Variants in LRRFIP1 observed in about 807,000 individuals in gnomAD.
LRRFIP1 encodes the protein LRR binding FLII interacting protein 1, also known as leucine-rich repeat flightless-interacting protein 1.
LRRFIP1 carries 62 observed loss-of-function variants against 104.4 expected under a neutral mutation model. The ratio of observed to expected loss-of-function variants is 0.59; its 90% CI spans 0.48 to 0.73. The LOEUF (loss-of-function observed/expected upper bound fraction) is 0.73, where lower values mean the gene tolerates loss of function less well. Ranked by LOEUF, LRRFIP1 falls within the 30% of genes least tolerant of loss-of-function variation. The pLI, the probability that LRRFIP1 is intolerant of heterozygous loss-of-function variation, is 0.00. For synonymous variants in LRRFIP1, 300 were observed against 299.0 expected, an observed-to-expected ratio of 1.00 and a Z score of -0.03; for missense variants, 796 against 824.5, an observed-to-expected ratio of 0.97 and a Z score of 0.42.
intron 1 of LRRFIP1, among the ~76,000 whole-genome samples, chr2:237,700,798 C>T (rs1455950311): frequency 6.6e-6 from 1 of 152,180 alleles, no homozygotes; most frequent in Non-Finnish European, 1.5e-5. Context: ...CTCCCCTGGG[C>T]TCTGCGGGGG....
intron 12 of LRRFIP1, among the ~76,000 whole-genome samples, chr2:237,748,826 G>A (rs113636785): frequency 0.032 from 4,860 of 152,256 alleles, 256 homozygotes; most frequent in African/African-American, 0.11. Context: ...TTCTCACACT[G>A]CCATAAAGAA....
At chr2:237,774,292 T>A in intron 22 of LRRFIP1, 66 bp from the exon 23 acceptor site, 3 of 915,618 alleles carry the variant, frequency 3.3e-6, no homozygotes, top group Non-Finnish European at 5.2e-6. Context: ...GATCTCAAAG[T>A]AAAGAAACTG....
intron 2 of LRRFIP1, among the ~76,000 whole-genome samples, chr2:237,713,256 G>T (rs182736187): frequency 8.5e-5 from 13 of 152,296 alleles, no homozygotes; most frequent in African/African-American, 2.2e-4. Context: ...TTTCTTGAAT[G>T]GTTCTTTTCA....
At position 237,710,206 on chromosome 2, in the gene LRRFIP1, A is replaced by G. The variant is rs1280252372; in HGVS notation, c.183+1576A>G. Among the ~76,000 whole-genome samples the G allele has an allele frequency of 2.6e-5, 4 of 152,120 alleles. No individual in the cohort carries two copies. The East Asian group carries it at 7.7e-4, about 29-fold the overall frequency. ...GACAAAATCTCAGGTGCTTTTTCAC[A>G]CTGCCCAGTATCAGTGTCTCTGTAG... is the stretch of plus-strand genomic sequence containing the variant. On this transcript the variant is annotated intron_variant, in intron 2 of 23. Transcript: ENST00000308482.
intron 1 of LRRFIP1, among the ~76,000 whole-genome samples, chr2:237,682,570 C>T (rs13402999): frequency 0.012 from 1,819 of 152,284 alleles, 35 homozygotes; most frequent in African/African-American, 0.04. Flanking sequence ...CCAGAGGTGC[C>T]GAGAAGCAAA....
intron 11 of LRRFIP1, among the ~76,000 whole-genome samples, chr2:237,739,590 G>A (rs1358278288): frequency 6.6e-6 from 1 of 152,188 alleles, no homozygotes; most frequent in African/African-American, 2.4e-5. Flanking sequence ...AGTATTGACT[G>A]TTAATGCTTT....
At chr2:237,730,399 T>C (rs886202038) in intron 8 of LRRFIP1, among the ~76,000 whole-genome samples, 3 of 152,192 alleles carry the variant, frequency 2.0e-5, no homozygotes, top group Non-Finnish European at 4.4e-5. Context: ...TTGGTGTTTG[T>C]TTAGGTTCAC....
intron 19 of LRRFIP1, chr2:237,769,270 T>C (rs1483704855): frequency 6.6e-6 from 1 of 152,390 alleles, no homozygotes; most frequent in East Asian, 1.9e-4. Context: ...TCCCCCGCAG[T>C]CTGAAGACTC....
intron 11 of LRRFIP1, among the ~76,000 whole-genome samples, chr2:237,747,597 G>A (rs1013373479): frequency 6.6e-6 from 1 of 152,138 alleles, no homozygotes; most frequent in African/African-American, 2.4e-5. Flanking sequence ...AGCTCACAAC[G>A]GTGACTGCAG....
intron 23 of LRRFIP1, 133 bp from the exon 24 acceptor site, chr2:237,779,289 G>A (rs2061353274): frequency 1.5e-6 from 2 of 1,355,228 alleles, no homozygotes. Flanking sequence ...AGAGGAGGAA[G>A]GGCATCATGA....
At chr2:237,674,049 G>A (rs1034665230) in intron 1 of LRRFIP1, among the ~76,000 whole-genome samples, 2 of 152,154 alleles carry the variant, frequency 1.3e-5, no homozygotes, top group African/African-American at 4.8e-5. Context: ...AGCCTGCTAG[G>A]AGGCACTGCT....
chr2:237,763,993 C>G (rs1443690278), intron 19 of LRRFIP1: 1 of 1,614,156 alleles, frequency 6.2e-7, no homozygotes, highest in Non-Finnish European at 8.5e-7. Flanking sequence ...GTCAGACCGT[C>G]AGGAAAGCTT....
intron 1 of LRRFIP1, among the ~76,000 whole-genome samples, chr2:237,669,728 C>T (rs1047529365): frequency 3.9e-5 from 6 of 152,090 alleles, no homozygotes; most frequent in African/African-American, 1.2e-4. Context: ...GTGATGCCTC[C>T]ACCCCGGGTA....
At chr2:237,631,350 C>G (rs552134025) in intron 1 of LRRFIP1, among the ~76,000 whole-genome samples, 1 of 152,166 alleles carries the variant, frequency 6.6e-6, no homozygotes, top group Non-Finnish European at 1.5e-5. Flanking sequence ...AAGCAGGACT[C>G]GTGGTGGGGG....
At chr2:237,727,139 C>T (rs908327019) in intron 7 of LRRFIP1, among the ~76,000 whole-genome samples, 14 of 152,110 alleles carry the variant, frequency 9.2e-5, no homozygotes, top group Non-Finnish European at 1.6e-4. Context: ...GGGCGGATCA[C>T]GAGGTCAGGA....
intron 1 of LRRFIP1, among the ~76,000 whole-genome samples, chr2:237,652,812 C>A (rs2086154210): frequency 2.0e-5 from 3 of 152,354 alleles, no homozygotes; most frequent in Middle Eastern, 3.4e-3. Context: ...CGTGCCACTG[C>A]ACTCCAGCCT....
intron 1 of LRRFIP1, among the ~76,000 whole-genome samples, chr2:237,659,626 T>C (rs962386021): frequency 1.3e-5 from 2 of 148,346 alleles, no homozygotes; most frequent in Non-Finnish European, 3.0e-5. Context: ...ATGTATATTA[T>C]ATATTTTTAT....
chr2:237,653,597 G>A (rs982620948), intron 1 of LRRFIP1, among the ~76,000 whole-genome samples: 3 of 152,196 alleles, frequency 2.0e-5, no homozygotes, highest in African/African-American at 7.2e-5. Context: ...CACACTACCT[G>A]ATTCCAAAAT....
At chr2:237,707,028 C>G (rs1460461661) in intron 1 of LRRFIP1, among the ~76,000 whole-genome samples, 4 of 152,120 alleles carry the variant, frequency 2.6e-5, no homozygotes, top group Non-Finnish European at 5.9e-5. Context: ...TTTGACACCC[C>G]TTGATTTGAA....
Sources: allele counts gnomAD v4.1 joint callset (sites outside exome capture counted in the v4.1 genomes callset), GRCh38; gene constraint gnomAD v4.1.1; transcripts MANE v1.5; gene names NCBI Gene and HGNC (gene_info 2026-07-23, HGNC 2026-07-21).